KIAA1217: variants seen among roughly 807,000 people sequenced by gnomAD.
KIAA1217 encodes the protein KIAA1217.
In KIAA1217, 88 loss-of-function variants were observed where a neutral mutation model predicts 163.9. That is an observed-to-expected ratio of 0.54 (90% confidence interval 0.45 to 0.64). The LOEUF is 0.64. Among genes scored for constraint, KIAA1217 ranks in the 30% least tolerant of loss-of-function variants. The pLI, the probability that KIAA1217 is intolerant of heterozygous loss-of-function variation, is 0.00. For missense variants in KIAA1217, 2,372 were observed against 2,475.0 expected (o/e 0.96, Z 0.88); for synonymous variants, 903 against 923.1 (o/e 0.98, Z 0.39).
chr10:23,948,636 GT>G (rs1166297187), intron 1 of KIAA1217, among the ~76,000 whole-genome samples: 1 of 152,124 alleles, frequency 6.6e-6, no homozygotes, highest in Non-Finnish European at 1.5e-5. Flanking sequence ...CCACAAGAAG[GT>G]AAGCTCCATG....
rs146633038 is a variant in KIAA1217 at position 24,271,880 on chromosome 10, T to C, written c.354+51971T>C. 9.2e-4 allele frequency among the ~76,000 whole-genome samples: 140 copies of C among 152,246 alleles called. 1 individual carries two copies. The highest frequency in any genetic ancestry group is 3.0e-3 in the African/African-American group (123 of 41,552). On this transcript the variant is annotated intron_variant, in intron 2 of 20. Transcript: ENST00000376454. ...CCCAGCCTCTTCAAATAAAAATTGT[T>C]TTATTCAAAAGTATGACCTAGCCTT...
rs145983260 is a variant in KIAA1217, at chr10:23,980,571, G to A, written c.-320-26654G>A. 3.1e-3 allele frequency among the ~76,000 whole-genome samples: 475 copies of A among 152,088 alleles called. 3 individuals are homozygous for A. Among genetic ancestry groups the A allele is most frequent in the Middle Eastern group, 6.8e-3 (2 of 294 alleles). On this transcript the variant is annotated intron_variant, in intron 1 of 18. Transcript: ENST00000376462. The stretch of plus-strand genomic sequence containing the variant: ...TTGTGTGGAAAGGGTATGTTGAGCC[G>A]GGTGGATGAAAAAAGGAGGAAGACA...
intron 2 of KIAA1217, among the ~76,000 whole-genome samples, chr10:24,301,769 G>A (rs1011812675): frequency 1.3e-5 from 2 of 152,134 alleles, no homozygotes; most frequent in African/African-American, 4.8e-5. Context: ...GGTTGGCCAG[G>A]CGCAGTGGCT....
At chr10:24,063,755 G>T (rs1221420917) in intron 2 of KIAA1217, among the ~76,000 whole-genome samples, 1 of 152,110 alleles carries the variant, frequency 6.6e-6, no homozygotes, top group Non-Finnish European at 1.5e-5. Context: ...TCATGATATT[G>T]ATTCTTCCTA....
At chr10:24,230,427 A>AGATTAG (rs2071214044) in intron 2 of KIAA1217, among the ~76,000 whole-genome samples, 2 of 151,772 alleles carry the variant, frequency 1.3e-5, no homozygotes, top group African/African-American at 4.8e-5. Flanking sequence ...TTGAATTTCA[A>AGATTAG]GATTAGGGAT....
At chr10:24,247,518 T>C (rs199608616) in intron 2 of KIAA1217, among the ~76,000 whole-genome samples, 1 of 152,194 alleles carries the variant, frequency 6.6e-6, no homozygotes, top group African/African-American at 2.4e-5. Context: ...ATTTCCAGGC[T>C]GGGCGTGGTG....
At chr10:23,864,634 T>C (rs1032045441) in intron 1 of KIAA1217, among the ~76,000 whole-genome samples, 1 of 152,012 alleles carries the variant, frequency 6.6e-6, no homozygotes, top group Non-Finnish European at 1.5e-5. Context: ...CAAATATAAA[T>C]ACACATGAAT....
chr10:24,222,054 A>T (rs1251451298), intron 2 of KIAA1217, among the ~76,000 whole-genome samples: 1 of 152,244 alleles, frequency 6.6e-6, no homozygotes, highest in East Asian at 1.9e-4. Flanking sequence ...TTCCATGTCA[A>T]AAATAATGAT....
At chr10:24,293,769 A>G (rs2079362046) in intron 2 of KIAA1217, among the ~76,000 whole-genome samples, 1 of 152,224 alleles carries the variant, frequency 6.6e-6, no homozygotes, top group Non-Finnish European at 1.5e-5. Flanking sequence ...CACTTGTCAC[A>G]GCTGACATGA....
rs150134686 is a variant in KIAA1217, at chr10:23,721,060, T to C, written c.-321+25826T>C. ...AATTCTGTAGAGGCTTTAGTAGTCT[T>C]CAAGTCCTGTTTCTTAAAGCCTATT... On this transcript the variant is annotated intron_variant, in intron 1 of 18. Coordinates refer to the KIAA1217 transcript ENST00000376462. Among the ~76,000 whole-genome samples the C allele has an allele frequency of 1.2e-3, 178 of 152,334 alleles. 12 individuals are homozygous for C. The East Asian group carries it at 0.028, about 24-fold the overall frequency.
chr10:23,959,243 AG>A (rs754591936), intron 1 of KIAA1217, among the ~76,000 whole-genome samples: 1 of 152,124 alleles, frequency 6.6e-6, no homozygotes, highest in Non-Finnish European at 1.5e-5. Context: ...CTATAATAAA[AG>A]ATATGCTGGG....
intron 1 of KIAA1217, among the ~76,000 whole-genome samples, chr10:23,988,474 G>A (rs542092651): frequency 6.6e-6 from 1 of 152,134 alleles, no homozygotes; most frequent in Admixed American, 6.5e-5. Flanking sequence ...TGAATTCTAT[G>A]ATTTATATCT....
At chr10:24,115,286 C>T (rs2063007579) in intron 2 of KIAA1217, among the ~76,000 whole-genome samples, 1 of 152,180 alleles carries the variant, frequency 6.6e-6, no homozygotes, top group South Asian at 2.1e-4. Context: ...TTAAAAATAG[C>T]TACATTCATG....
chr10:24,278,541 A>C (rs1419215407), intron 2 of KIAA1217, among the ~76,000 whole-genome samples: 1 of 152,188 alleles, frequency 6.6e-6, no homozygotes, highest in Non-Finnish European at 1.5e-5. Context: ...GCACTAGGCA[A>C]GTGGCAAGTC....
chr10:24,526,508 T>G (rs558224953), intron 13 of KIAA1217, among the ~76,000 whole-genome samples: 2 of 152,298 alleles, frequency 1.3e-5, no homozygotes, highest in South Asian at 4.1e-4. Context: ...GCACTCTTAT[T>G]TAACAAATCT....
At chr10:24,199,684 C>CTG (rs2067157466) in intron 2 of KIAA1217, among the ~76,000 whole-genome samples, 1 of 152,066 alleles carries the variant, frequency 6.6e-6, no homozygotes, top group African/African-American at 2.4e-5. Context: ...TAAGACAAAG[C>CTG]TGTGTGTGTA....
At chr10:24,140,332 C>T (rs963694199) in intron 2 of KIAA1217, among the ~76,000 whole-genome samples, 7 of 150,582 alleles carry the variant, frequency 4.6e-5, no homozygotes, top group Non-Finnish European at 1.0e-4. Context: ...TGTACTCCAG[C>T]CTGGGCAACA....
At chr10:24,293,574 C>T (rs2079332535) in intron 2 of KIAA1217, among the ~76,000 whole-genome samples, 1 of 152,170 alleles carries the variant, frequency 6.6e-6, no homozygotes, top group African/African-American at 2.4e-5. Flanking sequence ...AGCCGTCAGG[C>T]TGAGAGTGAC....
At chr10:24,525,840 A>T (rs1189984384) in intron 13 of KIAA1217, among the ~76,000 whole-genome samples, 1 of 152,044 alleles carries the variant, frequency 6.6e-6, no homozygotes, top group African/African-American at 2.4e-5. Flanking sequence ...AAATACAAAA[A>T]TTAGCTGGGC....
Sources: gnomAD v4.1 joint callset for allele counts (sites outside exome capture counted in the v4.1 genomes callset) on GRCh38, gnomAD v4.1.1 for gene constraint, MANE v1.5 for transcripts, NCBI Gene and HGNC (gene_info 2026-07-23, HGNC 2026-07-21) for gene names.